Variants in PDLIM3 observed in about 807,000 individuals in gnomAD.
The protein encoded by PDLIM3 is PDZ and LIM domain 3, also known as PDZ and LIM domain protein 3.
Under a neutral mutation model 37.3 loss-of-function variants are expected in PDLIM3, and 36 were observed. The observed-to-expected ratio is 0.97, with a 90% CI of 0.74 to 1.28. The LOEUF (loss-of-function observed/expected upper bound fraction) is 1.28. Ranked by LOEUF, PDLIM3 falls within the 50% of genes most tolerant of loss-of-function variation. PDLIM3 has a pLI of 0.00. For synonymous variants in PDLIM3, 174 were observed against 182.4 expected (o/e 0.95, Z 0.37); for missense variants, 454 against 485.0 (o/e 0.94, Z 0.60).
intron 1 of PDLIM3, 60 bp from the exon 2 acceptor site, chr4:185,525,231 C>T: frequency 1.3e-6 from 2 of 1,538,466 alleles, no homozygotes; most frequent in Non-Finnish European, 1.8e-6. Flanking sequence ...GAGTTTTGTG[C>T]CTGACATTTG....
chr4:185,508,133 A>G (rs1055816376), intron 5 of PDLIM3, among the ~76,000 whole-genome samples, 166 bp downstream of exon 5: 7 of 152,192 alleles, frequency 4.6e-5, no homozygotes, highest in East Asian at 1.9e-4. Context: ...AGCTTTTCAC[A>G]TAGCTTTCTT....
At chr4:185,526,236 C>T (rs1023725314) in intron 1 of PDLIM3, among the ~76,000 whole-genome samples, 10 of 152,162 alleles carry the variant, frequency 6.6e-5, no homozygotes, top group East Asian at 3.8e-4. Context: ...ACAGAACTCC[C>T]GGAAACCAGA....
Position 185,504,485 on chromosome 4 carries a change from T to G in PDLIM3, c.895A>C (p.Ser299Arg), listed in dbSNP as rs1034968896. The G allele has an allele frequency of 6.2e-7, 1 of 1,612,948 alleles. No homozygotes were observed. Among genetic ancestry groups the G allele is most frequent in the Admixed American group, 1.7e-5 (1 of 60,006 alleles). Residue 299 changes from serine to arginine, a missense_variant, in exon 7 of 8, where the codon AGT becomes CGT. By Grantham distance (110) the Ser-to-Arg change is moderately radical. Transcript: ENST00000284767. The surrounding 1 kb of genome is among the most constrained non-coding windows in gnomAD (Gnocchi z 4.7). ...QRMPLCDKCG[S>R]GIVGAVVKAR... ...AAAAGTGAAACTTACACTATGCCAC[T>G]CCCACATTTGTCACAGAGCGGCATC...
intron 3 of PDLIM3, among the ~76,000 whole-genome samples, chr4:185,518,581 A>G (rs867086519): frequency 6.6e-6 from 1 of 152,150 alleles, no homozygotes; most frequent in Non-Finnish European, 1.5e-5. Flanking sequence ...CATGATGAAG[A>G]AATTATATTT....
At chr4:185,517,797 G>C (rs12648177) in intron 3 of PDLIM3, 1 of 144,174 alleles carries the variant, frequency 6.9e-6, no homozygotes, top group Non-Finnish European at 1.5e-5. Flanking sequence ...TGGGCTTTTA[G>C]AGTCATTCCA....
chr4:185,528,535 AGACAGGCTG>A (rs2095738200), intron 1 of PDLIM3, among the ~76,000 whole-genome samples: 2 of 152,252 alleles, frequency 1.3e-5, no homozygotes, highest in Admixed American at 6.5e-5. Flanking sequence ...CAACTCTCTA[AGACAGGCTG>A]GACAAGGAAA....
At chr4:185,528,466 T>A (rs1350546384) in intron 1 of PDLIM3, among the ~76,000 whole-genome samples, 1 of 152,226 alleles carries the variant, frequency 6.6e-6, no homozygotes. Flanking sequence ...AATAATACCA[T>A]CTTATACTTA....
At chr4:185,513,132 C>A in intron 4 of PDLIM3, 1 of 983,282 alleles carries the variant, frequency 1.0e-6, no homozygotes, top group Non-Finnish European at 1.2e-6. Context: ...TAATGTTGAG[C>A]CAGTCAGACC....
At chr4:185,533,878 T>C (rs920397037) in intron 1 of PDLIM3, among the ~76,000 whole-genome samples, 9 of 152,222 alleles carry the variant, frequency 5.9e-5, no homozygotes, top group African/African-American at 1.9e-4. Flanking sequence ...GAATTTAATA[T>C]AAATATGATT....
intron 4 of PDLIM3, chr4:185,512,754 G>A: frequency 1.0e-6 from 1 of 984,196 alleles, no homozygotes; most frequent in Non-Finnish European, 1.2e-6. Context: ...ATTTTACTAT[G>A]CTTCTTTGGG....
Position 185,523,423 on chromosome 4 carries a change from GGAGACCAT to G in PDLIM3, c.261_268del (p.Leu87PhefsTer5). ...GGCTTTCCCATCTTCAGATACTTGT[GGAGACCAT>G]AAGTGAGTTTCTCCCCTGGAAATAA... On this transcript the variant is annotated frameshift_variant, in exon 3 of 8. Coordinates refer to ENST00000284767, the MANE Select transcript of PDLIM3 (RefSeq NM_014476.6). LOFTEE classifies it high-confidence loss of function. 1 of 1,609,890 alleles carries G rather than the reference GGAGACCAT, an allele frequency of 6.2e-7. No homozygotes were observed. The highest frequency in any genetic ancestry group is 8.5e-7 in the Non-Finnish European group (1 of 1,176,440).
At chr4:185,518,904 CT>C (rs2095718728) in intron 3 of PDLIM3, among the ~76,000 whole-genome samples, 1 of 152,280 alleles carries the variant, frequency 6.6e-6, no homozygotes, top group African/African-American at 2.4e-5. Flanking sequence ...CAGCTTTCTT[CT>C]TATTTAGATA....
At chr4:185,523,579 TGCTGATTATTCTGTA>T in intron 2 of PDLIM3, 133 bp from the exon 3 acceptor site, 1 of 629,440 alleles carries the variant, frequency 1.6e-6, no homozygotes, top group South Asian at 1.9e-5. Context: ...TTTTTTTTTT[TGCTGATTATTCTGTA>T]TTTTCCCACA....
chr4:185,519,238 A>C (rs1307051078), intron 3 of PDLIM3, among the ~76,000 whole-genome samples: 8 of 152,222 alleles, frequency 5.3e-5, no homozygotes, highest in Non-Finnish European at 1.0e-4. Flanking sequence ...TTCAAGTCTA[A>C]ACTCAGAGAA....
At chr4:185,518,070 C>A (rs928258864) in intron 3 of PDLIM3, among the ~76,000 whole-genome samples, 7 of 152,144 alleles carry the variant, frequency 4.6e-5, no homozygotes, top group East Asian at 1.9e-4. Flanking sequence ...CTAGAAAAAA[C>A]CACCCAAATA....
intron 1 of PDLIM3, among the ~76,000 whole-genome samples, chr4:185,526,790 T>A (rs947129624): frequency 6.6e-6 from 1 of 152,192 alleles, no homozygotes; most frequent in African/African-American, 2.4e-5. Context: ...GGGGTTCTCA[T>A]GCACTCTTAT....
intron 4 of PDLIM3, among the ~76,000 whole-genome samples, chr4:185,509,688 T>G (rs1424246935): frequency 1.3e-5 from 2 of 152,202 alleles, no homozygotes; most frequent in Non-Finnish European, 2.9e-5. Flanking sequence ...TTAGTGTTGC[T>G]GTAAGCTCAA....
intron 1 of PDLIM3, among the ~76,000 whole-genome samples, chr4:185,527,432 C>T (rs1011757538): frequency 3.9e-5 from 6 of 152,196 alleles, no homozygotes; most frequent in Admixed American, 3.9e-4. Flanking sequence ...GATCTTCTGT[C>T]TCATTACTAA....
intron 4 of PDLIM3, chr4:185,513,966 G>A: frequency 8.0e-7 from 1 of 1,255,648 alleles, no homozygotes; most frequent in Non-Finnish European, 1.0e-6. Flanking sequence ...CATACTGACT[G>A]CCCGACTCAA....
Sources: gnomAD v4.1 joint callset for allele counts (sites outside exome capture counted in the v4.1 genomes callset) on GRCh38, gnomAD v4.1.1 for gene constraint, Gnocchi (gnomAD v3.1) non-coding constraint, MANE v1.5 for transcripts, NCBI Gene and HGNC (gene_info 2026-07-23, HGNC 2026-07-21) for gene names.